The following CSNK1G2 variants were observed in gnomAD, a reference collection of about 807,000 sequenced individuals.
CSNK1G2 encodes casein kinase I isoform gamma-2.
A neutral mutation model predicts 48.0 loss-of-function variants in CSNK1G2; 11 were observed. The ratio of observed to expected loss-of-function variants is 0.23; its 90% CI spans 0.14 to 0.38. The LOEUF (loss-of-function observed/expected upper bound fraction) is 0.38, where lower values mean the gene tolerates loss of function less well. CSNK1G2 is among the 10% of genes least tolerant of loss of function. The probability of loss-of-function intolerance (pLI) is 1.00; values close to 1 mark genes in which losing one functional copy is unlikely to be tolerated. For synonymous variants in CSNK1G2, 337 were observed against 254.1 expected (o/e 1.33, Z -3.10); for missense variants, 446 against 595.5 (o/e 0.75, Z 2.61).
intron 1 of CSNK1G2, among the ~76,000 whole-genome samples, chr19:1,962,073 T>A (rs2015216357): frequency 6.6e-6 from 1 of 152,212 alleles, no homozygotes; most frequent in Admixed American, 6.5e-5. Flanking sequence ...CTCACGCCTG[T>A]AATCCCAACA....
chr19:1,980,621 A>T lies in CSNK1G2; in HGVS notation c.*418A>T, dbSNP rs1420914921. Reference sequence around the variant, plus strand: ...CATAAAGTCCAGCTTGTCTCCCTCGATCCAAAGGCCGTTTTCTCGAGGGGA... The same window carrying T: ...CATAAAGTCCAGCTTGTCTCCCTCGTTCCAAAGGCCGTTTTCTCGAGGGGA... On this transcript the variant is annotated 3_prime_UTR_variant, in exon 12 of 12. Coordinates refer to ENST00000255641, the MANE Select transcript of CSNK1G2 (RefSeq NM_001319.7). The T allele has an allele frequency of 9.0e-6, 2 of 221,844 alleles. No individual in the cohort carries two copies. Among genetic ancestry groups the T allele is most frequent in the Non-Finnish European group, 1.8e-5 (2 of 109,194 alleles). 13.7% of individuals were successfully genotyped at this position (221,844 alleles called of 1,614,324 possible). A position where few individuals can be genotyped will look rare whatever the true frequency, so the allele number is the denominator to read the frequency against.
At chr19:1,946,368 T>G (rs2014563334) in intron 1 of CSNK1G2, among the ~76,000 whole-genome samples, 1 of 151,148 alleles carries the variant, frequency 6.6e-6, no homozygotes, top group African/African-American at 2.4e-5. Flanking sequence ...CTCAGCTCAC[T>G]GCAAGCTCCG....
intron 1 of CSNK1G2, among the ~76,000 whole-genome samples, chr19:1,943,943 A>C (rs2014459956): frequency 6.6e-6 from 1 of 152,184 alleles, no homozygotes; most frequent in African/African-American, 2.4e-5. Flanking sequence ...TGCCGGGCAC[A>C]GCCTGGCAGG....
At chr19:1,975,845 G>A (rs1460428250) in intron 2 of CSNK1G2, 8 of 861,090 alleles carry the variant, frequency 9.3e-6, no homozygotes, top group Non-Finnish European at 9.8e-6. Context: ...AGACCAGCCT[G>A]GACAACATGG....
At chr19:1,977,174 C>T (rs1278796178) in intron 2 of CSNK1G2, among the ~76,000 whole-genome samples, 3 of 152,226 alleles carry the variant, frequency 2.0e-5, no homozygotes, top group East Asian at 3.8e-4. Flanking sequence ...CGGGACAGGT[C>T]GCCCAGCAGA....
chr19:1,980,314 G>A lies in CSNK1G2; in HGVS notation c.*111G>A. ...GCGGCCCAGGGCCAGACCCTGGCTGGAAGCCAGAACGCAGACTGCAGGGGC... is the reference window on the plus strand; with the variant it reads ...GCGGCCCAGGGCCAGACCCTGGCTGAAAGCCAGAACGCAGACTGCAGGGGC... On this transcript the variant is annotated 3_prime_UTR_variant, in exon 12 of 12. Transcript: ENST00000255641. 1 of 1,381,006 alleles carries A rather than the reference G, an allele frequency of 7.2e-7. No individual in the cohort carries two copies. Among genetic ancestry groups the A allele is most frequent in the Non-Finnish European group, 1.0e-6 (1 of 983,344 alleles). 85.5% of individuals were successfully genotyped at this position (1,381,006 alleles called of 1,614,324 possible).
chr19:1,971,560 G>A (rs897910711), intron 2 of CSNK1G2, among the ~76,000 whole-genome samples: 4 of 152,210 alleles, frequency 2.6e-5, no homozygotes, highest in African/African-American at 4.8e-5. Flanking sequence ...CACGCACACA[G>A]GCGCACACAG....
At chr19:1,953,021 A>T (rs1055243701) in intron 1 of CSNK1G2, 9 of 407,316 alleles carry the variant, frequency 2.2e-5, no homozygotes, top group African/African-American at 1.3e-4. Flanking sequence ...TCTGAAAAAA[A>T]AAACAAAGGA....
In CSNK1G2 at chr19:1,950,062, A is replaced by G. The variant is rs113992011; in HGVS notation, c.-266+8644A>G. Among the ~76,000 whole-genome samples the G allele has an allele frequency of 7.9e-5, 12 of 152,322 alleles. 1 individual carries two copies. The highest frequency in any genetic ancestry group is 2.6e-4 in the African/African-American group (11 of 41,584). On this transcript the variant is annotated intron_variant, in intron 1 of 11. Coordinates refer to ENST00000255641, the MANE Select transcript of CSNK1G2 (RefSeq NM_001319.7). The stretch of plus-strand genomic sequence containing the variant: ...GACCGGTAGGCCCCAGCCCCACAGG[A>G]TCATCGAGGTGGCCCTGGCCTTTCG...
At chr19:1,955,559 G>GGGGTGGGCGTGTGCC (rs2014963184) in intron 1 of CSNK1G2, among the ~76,000 whole-genome samples, 3 of 152,136 alleles carry the variant, frequency 2.0e-5, no homozygotes, top group African/African-American at 7.2e-5. Context: ...GAGGCTCCGC[G>GGGGTGGGCGTGTGCC]AGTCGGGGGC....
At chr19:1,965,450 C>CAATG (rs1211150189) in intron 1 of CSNK1G2, among the ~76,000 whole-genome samples, 5 of 151,678 alleles carry the variant, frequency 3.3e-5, no homozygotes, top group Admixed American at 6.6e-5. Context: ...GCCTGTGGAT[C>CAATG]AATGAATGAA....
At chr19:1,962,158 C>T (rs560558055) in intron 1 of CSNK1G2, among the ~76,000 whole-genome samples, 53 of 152,074 alleles carry the variant, frequency 3.5e-4, no homozygotes, top group African/African-American at 1.3e-3. Context: ...GGTGAAACCC[C>T]GTGTCTGCTA....
intron 2 of CSNK1G2, among the ~76,000 whole-genome samples, chr19:1,977,363 C>T (rs552728306): frequency 2.0e-5 from 3 of 152,306 alleles, no homozygotes; most frequent in South Asian, 2.1e-4. Context: ...TGGGTGGGGC[C>T]GTGCCCCCTC....
At chr19:1,962,619 T>C (rs1187841693) in intron 1 of CSNK1G2, among the ~76,000 whole-genome samples, 3 of 151,978 alleles carry the variant, frequency 2.0e-5, no homozygotes, top group East Asian at 1.9e-4. Flanking sequence ...GCTGAGATGG[T>C]ACCATTGTGC....
chr19:1,977,073 G>T (rs1212386938), intron 2 of CSNK1G2, among the ~76,000 whole-genome samples: 2 of 152,226 alleles, frequency 1.3e-5, no homozygotes, highest in African/African-American at 4.8e-5. Context: ...TGCTACTCGG[G>T]CAAAGGCAGC....
chr19:1,952,910 C>G (rs1370591533), intron 1 of CSNK1G2: 2 of 448,942 alleles, frequency 4.5e-6, no homozygotes. Context: ...ACCGAGGTGA[C>G]TGCCTTCGAG....
intron 2 of CSNK1G2, chr19:1,975,729 C>T: frequency 1.0e-6 from 1 of 985,388 alleles, no homozygotes; most frequent in Non-Finnish European, 1.2e-6. Context: ...GGGGCAGTGT[C>T]CTGAGCTCTA....
At chr19:1,953,444 T>C (rs752122851) in intron 1 of CSNK1G2, 1 of 534,600 alleles carries the variant, frequency 1.9e-6, no homozygotes, top group East Asian at 5.4e-5. Context: ...GTGTCCACTT[T>C]GCTTTTGTTG....
rs987865145 is a variant in CSNK1G2, at chr19:1,978,755, G to A, written c.447+5G>A. The A allele has an allele frequency of 7.2e-5, 113 of 1,579,508 alleles. No homozygotes were observed. The highest frequency in any genetic ancestry group is 9.0e-5 in the Non-Finnish European group (105 of 1,163,092). On this transcript the variant is annotated splice_donor_5th_base_variant and intron_variant, in intron 5 of 11. Transcript: ENST00000255641. The surrounding 1 kb of genome is among the most constrained non-coding windows in gnomAD (Gnocchi z 7.3). ...CTGATGATCGCCATCCAGCTGGTGC[G>A]CGGCGGGCGGGGCGGGGCGGGGCTC...
Sources: gnomAD v4.1 joint callset for allele counts (sites outside exome capture counted in the v4.1 genomes callset) on GRCh38, gnomAD v4.1.1 for gene constraint, Gnocchi (gnomAD v3.1) non-coding constraint, MANE v1.5 for transcripts, NCBI Gene and HGNC (gene_info 2026-07-23, HGNC 2026-07-21) for gene names.